Variants in WIZ observed in about 807,000 individuals in gnomAD.
The protein encoded by WIZ is WIZ zinc finger, also known as protein Wiz.
Under a neutral mutation model 140.2 loss-of-function variants are expected in WIZ, and 25 were observed. The ratio of observed to expected loss-of-function variants is 0.18; its 90% CI spans 0.13 to 0.25. WIZ has a LOEUF of 0.25. Ranked by LOEUF, WIZ falls within the 10% of genes least tolerant of loss-of-function variation. WIZ has a pLI of 1.00. For synonymous variants in WIZ, 1,125 were observed against 1,154.3 expected, an observed-to-expected ratio of 0.97 and a Z score of 0.51; for missense variants, 2,231 against 2,632.6, an observed-to-expected ratio of 0.85 and a Z score of 3.34.
chr19:15,432,292 GA>G, intron 5 of WIZ: 1 of 260,748 alleles, frequency 3.8e-6, no homozygotes, highest in Non-Finnish European at 6.0e-6. Context: ...AGCGGCGACA[GA>G]AGGCCCTGGG....
rs373004288 is a variant in WIZ, at chr19:15,424,908, G to A, written c.5019C>T (p.Ile1673=). 3.9e-5 allele frequency: 62 copies of A among 1,609,276 alleles called. No homozygotes were observed. The African/African-American group carries it at 6.3e-4, about 16-fold the overall frequency. The part of the protein sequence containing the change: ...VTEWCVNGSP[I]ETLSEWIKHR... Reference sequence around the variant, plus strand: ...GTTTGATCCACTCGCTCAGTGTCTCGATGGGCGAGCCATTGACGCACCACT... The same window carrying A: ...GTTTGATCCACTCGCTCAGTGTCTCAATGGGCGAGCCATTGACGCACCACT... The change falls in exon 11 of 13, where the codon ATC becomes ATT. Residue 1673 remains isoleucine, a synonymous_variant. Transcript: ENST00000673675. This position sits in a 1 kb window ranked among gnomAD's most constrained non-coding sequence, Gnocchi z 9.7.
intron 4 of WIZ, 126 bp downstream of exon 4, chr19:15,438,452 C>A: frequency 8.6e-7 from 1 of 1,156,174 alleles, no homozygotes. Flanking sequence ...TTCACTGTGG[C>A]TCTCAAGTCT....
In WIZ at chr19:15,427,463, G is replaced by A; in HGVS notation, c.3885C>T (p.Gly1295=). ...GATGGGAGCGCGCGTGGCTCGAGAG[G>A]CCCTTGCGGTTCTCGAAGAACTCAC... ...FCGEFFENRK[G]LSSHARSHLR... Residue 1295 remains glycine (G), a synonymous_variant, in exon 9 of 13, where the codon GGC becomes GGT. Transcript: ENST00000673675. This position sits in a 1 kb window ranked among gnomAD's most constrained non-coding sequence, Gnocchi z 6.4. The A allele has an allele frequency of 6.2e-7, 1 of 1,613,454 alleles. No individual in the cohort carries two copies. The highest frequency in any genetic ancestry group is 8.5e-7 in the Non-Finnish European group (1 of 1,179,970).
intron 12 of WIZ, 29 bp from the exon 13 acceptor site, chr19:15,423,264 G>C: frequency 6.2e-7 from 1 of 1,610,430 alleles, no homozygotes; most frequent in Non-Finnish European, 8.5e-7. Flanking sequence ...AGAGGGAGTG[G>C]CCAGTGCTGT....
chr19:15,436,667 A>G lies in WIZ; in HGVS notation c.2740+139T>C, dbSNP rs539265460. On this transcript the variant is annotated intron_variant, in intron 5 of 12. Transcript: ENST00000673675. ...CCTAAATAGCAGGGTGGTTGTAAGG[A>G]AAGTCATCAACATACTTTGTAAAGT... 5 of 868,416 alleles carry G rather than the reference A, an allele frequency of 5.8e-6. No individual in the cohort carries two copies. The Admixed American group carries it at 1.6e-4, about 28-fold the overall frequency. 53.8% of individuals were successfully genotyped at this position (868,416 alleles called of 1,614,324 possible).
rs775021639 is a variant in WIZ, at chr19:15,424,814, G to A, written c.5113C>T (p.Arg1705Cys). ...CTGTCACGGCCATGGCCGGCACTGCGGAACTTCTTGGTGAAGGGGCGGCCG... is the reference window on the plus strand; with the variant it reads ...CTGTCACGGCCATGGCCGGCACTGCAGAACTTCTTGGTGAAGGGGCGGCCG... ...QGGRPFTKKF[R>C]SAGHGRDSDK... The change falls in exon 11 of 13, where the codon CGC (arginine) becomes TGC (cysteine). Residue 1705 changes from arginine to cysteine, a missense_variant. Coordinates refer to ENST00000673675, the MANE Select transcript of WIZ (RefSeq NM_001371589.1). The surrounding 1 kb of genome is among the most constrained non-coding windows in gnomAD (Gnocchi z 9.7). 5.6e-6 allele frequency: 9 copies of A among 1,607,748 alleles called. No individual in the cohort carries two copies. Among genetic ancestry groups the A allele is most frequent in the South Asian group, 2.2e-5 (2 of 89,986 alleles).
rs765328952 is a variant in WIZ, at chr19:15,425,042, G to A, written c.4895-10C>T. 31 of 1,560,592 alleles carry A rather than the reference G, an allele frequency of 2.0e-5. No individual in the cohort carries two copies. Among genetic ancestry groups the A allele is most frequent in the African/African-American group, 1.3e-4 (10 of 74,202 alleles). On this transcript the variant is annotated splice_polypyrimidine_tract_variant and intron_variant, in intron 10 of 12. Transcript: ENST00000673675. ...CAGCAGGCCTCGGTGGCTGCGGGGCGGAGGGGGTGCTGCTGAGTCACAGCC... is the reference window on the plus strand; with the variant it reads ...CAGCAGGCCTCGGTGGCTGCGGGGCAGAGGGGGTGCTGCTGAGTCACAGCC...
At chr19:15,444,853 C>A (rs1212705430) in intron 2 of WIZ, among the ~76,000 whole-genome samples, 1 of 152,162 alleles carries the variant, frequency 6.6e-6, no homozygotes, top group African/African-American at 2.4e-5. Flanking sequence ...GTTCTAGGAC[C>A]CCAAGCTCCC....
Position 15,440,552 on chromosome 19 carries a change from T to A in WIZ, c.442A>T (p.Ile148Phe). The A allele has an allele frequency of 6.5e-7, 1 of 1,536,148 alleles. No homozygotes were observed. The highest frequency in any genetic ancestry group is 8.7e-7 in the Non-Finnish European group (1 of 1,146,882). ...LSERRFEDSV[I>F]VRTMKPHAEL... ...GCGTGGGGTTTCATGGTTCTCACAA[T>A]GACTGAGTCCTCGAATCTCCGCTCA... Residue 148 changes from isoleucine to phenylalanine, a missense_variant, in exon 4 of 13, where the codon ATT becomes TTT. Coordinates refer to ENST00000673675, the MANE Select transcript of WIZ (RefSeq NM_001371589.1). The surrounding 1 kb of genome is among the most constrained non-coding windows in gnomAD (Gnocchi z 6.2).
Position 15,421,421 on chromosome 19 carries a change from T to C in WIZ, c.*1655A>G, listed in dbSNP as rs1968362655. On this transcript the variant is annotated 3_prime_UTR_variant, in exon 13 of 13. Coordinates refer to ENST00000673675, the MANE Select transcript of WIZ (RefSeq NM_001371589.1). Reference sequence around the variant, plus strand: ...CAGAAAGCAGGGCTGGGGGTAGAGGTGGCCCCTTCTGTCCACACGCCATGA... The same window carrying C: ...CAGAAAGCAGGGCTGGGGGTAGAGGCGGCCCCTTCTGTCCACACGCCATGA... 6.6e-6 allele frequency: 1 copy of C among 152,202 alleles called. No individual in the cohort carries two copies. Among genetic ancestry groups the C allele is most frequent in the Non-Finnish European group, 1.5e-5 (1 of 68,028 alleles). The allele number at this position is 152,202 out of a possible 1,614,324, so 9.4% of individuals were successfully genotyped here.
chr19:15,424,064 C>T lies in WIZ; in HGVS notation c.5510+119G>A. On this transcript the variant is annotated intron_variant, in intron 12 of 12. Coordinates refer to ENST00000673675, the MANE Select transcript of WIZ (RefSeq NM_001371589.1). This position sits in a 1 kb window ranked among gnomAD's most constrained non-coding sequence, Gnocchi z 9.7. ...GCCTTTAGCCTGAGCCCCACCACAC[C>T]CAAGGGCAGCCACTGAGGCGACACC... 1 of 969,406 alleles carries T rather than the reference C, an allele frequency of 1.0e-6. No homozygotes were observed. Among genetic ancestry groups the T allele is most frequent in the Non-Finnish European group, 1.4e-6 (1 of 691,166 alleles). The allele number at this position is 969,406 out of a possible 1,614,324, so 60.1% of individuals were successfully genotyped here.
intron 7 of WIZ, 101 bp downstream of exon 7, chr19:15,429,485 C>G: frequency 1.2e-6 from 1 of 806,110 alleles, no homozygotes; most frequent in Non-Finnish European, 1.7e-6. Flanking sequence ...GTCCCCACCG[C>G]CCCCACCCAC....
Position 15,440,548 on chromosome 19 carries a change from A to G in WIZ, c.446T>C (p.Val149Ala). ...CTCAGCGTGGGGTTTCATGGTTCTCACAATGACTGAGTCCTCGAATCTCCG... is the reference window on the plus strand; with the variant it reads ...CTCAGCGTGGGGTTTCATGGTTCTCGCAATGACTGAGTCCTCGAATCTCCG... Reference protein sequence around the residue: ...SERRFEDSVIVRTMKPHAELE... With the variant: ...SERRFEDSVIARTMKPHAELE... Residue 149 changes from valine (V) to alanine (A), a missense_variant, in exon 4 of 13, where the codon GTG becomes GCG. Transcript: ENST00000673675. The surrounding 1 kb of genome is among the most constrained non-coding windows in gnomAD (Gnocchi z 6.2). The G allele has an allele frequency of 6.5e-7, 1 of 1,536,134 alleles. No individual in the cohort carries two copies. Among genetic ancestry groups the G allele is most frequent in the Non-Finnish European group, 8.7e-7 (1 of 1,146,882 alleles).
rs753746150 is a variant in WIZ, at chr19:15,424,613, T to C, written c.5314A>G (p.Lys1772Glu). 6.3e-7 allele frequency: 1 copy of C among 1,590,372 alleles called. No homozygotes were observed. The highest frequency in any genetic ancestry group is 8.5e-7 in the Non-Finnish European group (1 of 1,176,772). ...AEEHQRQNIN[K>E]FERRQARPPD... is the part of the protein sequence containing the mutation. ...CGACCCTCCTCCACCAAGCACTCAC[T>C]GTTGATGTTCTGCCGCTGGTGCTCC... Residue 1772 changes from lysine (K) to glutamate (E), a missense_variant and splice_region_variant, in exon 11 of 13, where the codon AAA (lysine) becomes GAA (glutamate). By Grantham distance (56) the Lys-to-Glu change is moderately conservative. Around this residue, in one of 15 missense-constraint regions of WIZ, gnomAD observed 299 missense variants for 309.6 expected, o/e 0.97. Transcript: ENST00000673675. This position sits in a 1 kb window ranked among gnomAD's most constrained non-coding sequence, Gnocchi z 9.7.
At position 15,424,315 on chromosome 19, in the gene WIZ, T is replaced by C. The variant is rs745836045; in HGVS notation, c.5378A>G (p.Asn1793Ser). ...CTCCTCCAGCTTCTGCTGTAGGTCA[T>C]TGGTGTCCTCGCCTCCCCGGGCTGC... The part of the protein sequence containing the change: ...ASAARGGEDT[N>S]DLQQKLEEVR... Residue 1793 changes from asparagine to serine, a missense_variant, in exon 12 of 13, where the codon AAT becomes AGT. Asn to Ser is a conservative substitution (Grantham distance 46). Around this residue, in one of 15 missense-constraint regions of WIZ, gnomAD observed 299 missense variants for 309.6 expected, o/e 0.97. Coordinates refer to ENST00000673675, the MANE Select transcript of WIZ (RefSeq NM_001371589.1). This position sits in a 1 kb window ranked among gnomAD's most constrained non-coding sequence, Gnocchi z 9.7. 3 of 1,603,016 alleles carry C rather than the reference T, an allele frequency of 1.9e-6. No individual in the cohort carries two copies. Among genetic ancestry groups the C allele is most frequent in the South Asian group, 1.1e-5 (1 of 90,206 alleles).
Position 15,430,090 on chromosome 19 carries a change from C to A in WIZ, c.2912-1G>T. On this transcript the variant is annotated splice_acceptor_variant, in intron 6 of 12. Transcript: ENST00000673675. LOFTEE classifies it high-confidence loss of function. ...ACCTCGCAGGTGGTCAGGCTCTGGG[C>A]TGAAGGGCAACACAGAGGCCGGGAG... 1 of 1,521,476 alleles carries A rather than the reference C, an allele frequency of 6.6e-7. No individual in the cohort carries two copies. Among genetic ancestry groups the A allele is most frequent in the Non-Finnish European group, 8.8e-7 (1 of 1,137,482 alleles). The allele number at this position is 1,521,476 out of a possible 1,614,324, so 94.2% of individuals were successfully genotyped here. A position where few individuals can be genotyped will look rare whatever the true frequency, so the allele number is the denominator to read the frequency against.
In WIZ at chr19:15,423,107, T is replaced by A. The variant is rs947378326; in HGVS notation, c.5639A>T (p.Gln1880Leu). The change falls in exon 13 of 13, where the codon CAG becomes CTG. Residue 1880 changes from glutamine to leucine, a missense_variant. This residue lies in a region of WIZ where 299 missense variants were observed against 309.6 expected (regional missense o/e 0.97). Transcript: ENST00000673675. ...DPPPEESQAP[Q>L]AQTAAAEAP is the part of the protein sequence containing the mutation. ...AGCCTCTGCCGCCGCTGTCTGTGCC[T>A]GCGGGGCCTGGGACTCCTCAGGTGG... 2.5e-6 allele frequency: 4 copies of A among 1,612,126 alleles called. No homozygotes were observed. Among genetic ancestry groups the A allele is most frequent in the Non-Finnish European group, 3.4e-6 (4 of 1,179,766 alleles).
intron 2 of WIZ, among the ~76,000 whole-genome samples, chr19:15,447,402 A>G (rs1969955358): frequency 6.6e-6 from 1 of 152,226 alleles, no homozygotes; most frequent in Non-Finnish European, 1.5e-5. Context: ...TAATGCCTTC[A>G]CAGCATCTGT....
chr19:15,447,415 C>A (rs1969955873), intron 2 of WIZ, among the ~76,000 whole-genome samples: 1 of 152,252 alleles, frequency 6.6e-6, no homozygotes, highest in Admixed American at 6.5e-5. Context: ...GCATCTGTCA[C>A]TACCTGTCCT....
Sources: gnomAD v4.1 joint callset for allele counts (sites outside exome capture counted in the v4.1 genomes callset) on GRCh38, gnomAD v4.1.1 for gene constraint, gnomAD v4.1.1 regional missense constraint, Gnocchi (gnomAD v3.1) non-coding constraint, MANE v1.5 for transcripts, NCBI Gene and HGNC (gene_info 2026-07-23, HGNC 2026-07-21) for gene names.